The following MAGI1 variants were observed in gnomAD, a reference collection of about 807,000 sequenced individuals.
MAGI1 encodes membrane associated guanylate kinase, WW and PDZ domain containing 1.
A neutral mutation model predicts 139.9 loss-of-function variants in MAGI1; 58 were observed. The observed-to-expected ratio is 0.41, with a 90% confidence interval of 0.34 to 0.52. The LOEUF (loss-of-function observed/expected upper bound fraction) is 0.52. MAGI1 is among the 20% of genes least tolerant of loss of function. The pLI, the probability that MAGI1 is intolerant of heterozygous loss-of-function variation, is 0.12. For missense variants in MAGI1, 1,874 were observed against 1,901.6 expected (o/e 0.99, Z 0.27); for synonymous variants, 812 against 737.9 (o/e 1.10, Z -1.63).
In MAGI1 at chr3:65,391,320, C is replaced by T; in HGVS notation, c.2238G>A (p.Gln746=). ...LERKDSQNSS[Q]HSVSSHRSLH... ...GGCTTCGGTGGCTGGAAACACTGTG[C>T]TGAGAACTATTCTGGCTGTCTTTCC... The change falls in exon 14 of 23, where the codon CAG becomes CAA. Residue 746 remains glutamine (Q), a synonymous_variant. Transcript: ENST00000402939. 1.9e-6 allele frequency: 3 copies of T among 1,614,156 alleles called. No individual in the cohort carries two copies. The highest frequency in any genetic ancestry group is 2.5e-6 in the Non-Finnish European group (3 of 1,180,024).
At chr3:65,550,734 A>T (rs2079784651) in intron 2 of MAGI1, among the ~76,000 whole-genome samples, 1 of 152,068 alleles carries the variant, frequency 6.6e-6, no homozygotes, top group South Asian at 2.1e-4. Context: ...GGAGGCCAAG[A>T]CAGGAGGATC....
At chr3:65,359,875 C>G (rs1247638845) in intron 22 of MAGI1, 6 of 985,006 alleles carry the variant, frequency 6.1e-6, no homozygotes, top group Non-Finnish European at 2.4e-6. Flanking sequence ...TGAAATATCA[C>G]ATCCAACAGA....
intron 1 of MAGI1, among the ~76,000 whole-genome samples, chr3:65,766,333 A>T (rs142115018): frequency 4.6e-5 from 7 of 152,282 alleles, no homozygotes; most frequent in African/African-American, 1.7e-4. Context: ...AACAGCTAGA[A>T]TATACCCAAG....
At chr3:65,975,224 C>T (rs10510948) in intron 1 of MAGI1, among the ~76,000 whole-genome samples, 18,932 of 152,048 alleles carry the variant, frequency 0.12, 1,488 homozygotes, top group East Asian at 0.26. Flanking sequence ...TCTAAAAATT[C>T]AAGACTTGAC....
intron 1 of MAGI1, among the ~76,000 whole-genome samples, chr3:65,896,666 G>A (rs572372150): frequency 7.2e-5 from 11 of 152,074 alleles, no homozygotes; most frequent in African/African-American, 1.2e-4. Context: ...CAGAGACCCC[G>A]TCTCAAACAA....
intron 2 of MAGI1, among the ~76,000 whole-genome samples, chr3:65,500,717 C>T (rs1274340642): frequency 3.9e-5 from 6 of 152,208 alleles, no homozygotes; most frequent in Non-Finnish European, 8.8e-5. Context: ...CACTCAACAA[C>T]TGTCCAAATG....
chr3:65,714,864 G>A (rs1197399993), intron 1 of MAGI1, among the ~76,000 whole-genome samples: 3 of 152,064 alleles, frequency 2.0e-5, no homozygotes, highest in South Asian at 2.1e-4. Context: ...GACCAAGCCT[G>A]GCAGTTTCTT....
chr3:65,573,692 C>T (rs1332746704), intron 2 of MAGI1, among the ~76,000 whole-genome samples: 1 of 152,082 alleles, frequency 6.6e-6, no homozygotes. Context: ...AGAATATCTT[C>T]ATTACCCTTT....
At chr3:65,615,952 TAC>T (rs2083349267) in intron 2 of MAGI1, among the ~76,000 whole-genome samples, 1 of 152,254 alleles carries the variant, frequency 6.6e-6, no homozygotes, top group African/African-American at 2.4e-5. Flanking sequence ...GATTTCTATG[TAC>T]ACAGTTTGTG....
chr3:65,836,637 G>A (rs2042820782), intron 1 of MAGI1, among the ~76,000 whole-genome samples: 1 of 152,042 alleles, frequency 6.6e-6, no homozygotes. Flanking sequence ...TGGCCAGGAT[G>A]GTGAAACCCC....
intron 1 of MAGI1, among the ~76,000 whole-genome samples, chr3:66,017,941 A>G (rs1025491773): frequency 3.9e-5 from 6 of 152,214 alleles, no homozygotes; most frequent in African/African-American, 1.4e-4. Context: ...AAGCTGAGAG[A>G]AAAAGCAAAC....
chr3:66,022,608 G>A (rs545545002), intron 1 of MAGI1, among the ~76,000 whole-genome samples: 34 of 152,258 alleles, frequency 2.2e-4, no homozygotes, highest in Non-Finnish European at 3.8e-4. Context: ...AATTACTGGG[G>A]ATTTTTTTCC....
At chr3:65,365,718 C>T (rs1212793779) in intron 18 of MAGI1, among the ~76,000 whole-genome samples, 1 of 152,158 alleles carries the variant, frequency 6.6e-6, no homozygotes, top group African/African-American at 2.4e-5. Flanking sequence ...ATAAGATTCA[C>T]CTGTGCATGC....
intron 1 of MAGI1, among the ~76,000 whole-genome samples, chr3:65,979,203 A>T (rs2065439800): frequency 6.7e-6 from 1 of 150,216 alleles, no homozygotes; most frequent in Non-Finnish European, 1.5e-5. Flanking sequence ...TAATTTACCA[A>T]ATAAGGCATA....
chr3:65,895,266 C>G (rs962971613), intron 1 of MAGI1, among the ~76,000 whole-genome samples: 9 of 152,208 alleles, frequency 5.9e-5, no homozygotes, highest in Admixed American at 5.9e-4. Context: ...GGGTTCACAG[C>G]TAGTACAACA....
In MAGI1 at chr3:65,383,643, A is replaced by G. The variant is rs1218594915; in HGVS notation, c.2417-20T>C. ...CTGGAACTGCAGAGAGGGGAGAAAA[A>G]AGAGAAGGATTATTTTACTGATAAA... On this transcript the variant is annotated intron_variant, in intron 14 of 22. Coordinates refer to ENST00000402939, the MANE Select transcript of MAGI1 (RefSeq NM_001033057.2). The G allele has an allele frequency of 5.5e-6, 8 of 1,455,424 alleles. No individual in the cohort carries two copies. Among genetic ancestry groups the G allele is most frequent in the Admixed American group, 3.3e-5 (2 of 59,792 alleles). The allele number at this position is 1,455,424 out of a possible 1,614,324, so 90.2% of individuals were successfully genotyped here.
intron 2 of MAGI1, among the ~76,000 whole-genome samples, chr3:65,591,783 C>A (rs1034847173): frequency 1.3e-5 from 2 of 152,192 alleles, no homozygotes; most frequent in African/African-American, 4.8e-5. Flanking sequence ...ACCACTTCTG[C>A]CACAGGGCCT....
intron 2 of MAGI1, among the ~76,000 whole-genome samples, chr3:65,510,064 G>T (rs1290117304): frequency 6.6e-6 from 1 of 151,940 alleles, no homozygotes; most frequent in Non-Finnish European, 1.5e-5. Context: ...CACACTGCAG[G>T]GTATTCCAAC....
At position 65,356,772 on chromosome 3, in the gene MAGI1, C is replaced by T; in HGVS notation, c.3995G>A (p.Ser1332Asn). 1 of 1,606,594 alleles carries T rather than the reference C, an allele frequency of 6.2e-7. No individual in the cohort carries two copies. The highest frequency in any genetic ancestry group is 8.5e-7 in the Non-Finnish European group (1 of 1,176,580). The part of the protein sequence containing the change: ...SPEKRREGTR[S>N]ADNTLERREK... ...CCTCCTCTCCAAAGTGTTGTCGGCG[C>T]TGCGGGTGCCCTCCCTCCGCTTCTC... The change falls in exon 23 of 23, where the codon AGC becomes AAC. Residue 1332 changes from serine (S) to asparagine (N), a missense_variant. Ser to Asn is a conservative substitution (Grantham distance 46). Coordinates refer to ENST00000402939, the MANE Select transcript of MAGI1 (RefSeq NM_001033057.2).
Sources: allele counts gnomAD v4.1 joint callset (sites outside exome capture counted in the v4.1 genomes callset), GRCh38; gene constraint gnomAD v4.1.1; transcripts MANE v1.5; gene names NCBI Gene and HGNC (gene_info 2026-07-23, HGNC 2026-07-21).